The following SPOCK3 variants were observed in gnomAD, a reference collection of about 807,000 sequenced individuals.
The protein encoded by SPOCK3 is SPARC (osteonectin), cwcv and kazal like domains proteoglycan 3.
A neutral mutation model predicts 56.6 loss-of-function variants in SPOCK3; 30 were observed. The ratio of observed to expected loss-of-function variants is 0.53; its 90% CI spans 0.40 to 0.72. The LOEUF (loss-of-function observed/expected upper bound fraction) is 0.72, where lower values mean the gene tolerates loss of function less well. Ranked by LOEUF, SPOCK3 falls within the 30% of genes least tolerant of loss-of-function variation. The pLI is 0.00. For missense variants in SPOCK3, 527 were observed against 530.0 expected, an observed-to-expected ratio of 0.99 and a Z score of 0.06; for synonymous variants, 196 against 183.3, an observed-to-expected ratio of 1.07 and a Z score of -0.56.
At chr4:166,801,944 GA>G (rs1181675348) in intron 6 of SPOCK3, among the ~76,000 whole-genome samples, 6 of 152,094 alleles carry the variant, frequency 3.9e-5, no homozygotes, top group African/African-American at 1.4e-4. Context: ...AGAGATTCCT[GA>G]ATTCCTCCCA....
At chr4:167,222,157 C>A (rs1735984343) in intron 2 of SPOCK3, among the ~76,000 whole-genome samples, 2 of 152,002 alleles carry the variant, frequency 1.3e-5, no homozygotes, top group African/African-American at 4.8e-5. Context: ...CATGCCACAA[C>A]ATGGATGAAA....
intron 2 of SPOCK3, among the ~76,000 whole-genome samples, chr4:167,206,348 G>T (rs1010710456): frequency 2.6e-5 from 4 of 151,876 alleles, no homozygotes; most frequent in African/African-American, 9.7e-5. Flanking sequence ...AAATAAGTAT[G>T]TTTATGTATG....
chr4:166,898,205 G>GA (rs199992979), intron 5 of SPOCK3, among the ~76,000 whole-genome samples: 27 of 150,898 alleles, frequency 1.8e-4, no homozygotes, highest in South Asian at 4.2e-4. Flanking sequence ...CCCTAAAAAA[G>GA]AAAAAAAAAT....
At chr4:167,033,601 A>G (rs1752475116) in intron 3 of SPOCK3, among the ~76,000 whole-genome samples, 1 of 151,966 alleles carries the variant, frequency 6.6e-6, no homozygotes. Flanking sequence ...CATGGCATGC[A>G]GGCCTTCACA....
chr4:167,081,680 C>T (rs1342928850), intron 2 of SPOCK3, among the ~76,000 whole-genome samples: 1 of 151,938 alleles, frequency 6.6e-6, no homozygotes, highest in African/African-American at 2.4e-5. Context: ...GTAGCAACAT[C>T]AGCAGGTGGA....
At chr4:166,761,902 A>T (rs1266361821) in intron 7 of SPOCK3, among the ~76,000 whole-genome samples, 1 of 6,546 alleles carries the variant, frequency 1.5e-4, no homozygotes, top group Non-Finnish European at 4.5e-4. Context: ...TAATAAAAAA[A>T]AAAAAAAAAA....
intron 2 of SPOCK3, among the ~76,000 whole-genome samples, chr4:167,212,917 T>C (rs1735019570): frequency 1.3e-5 from 2 of 152,202 alleles, no homozygotes; most frequent in African/African-American, 4.8e-5. Flanking sequence ...TCAAGCTACA[T>C]GACAAAATAC....
chr4:167,061,628 G>A (rs1755616768), intron 3 of SPOCK3, among the ~76,000 whole-genome samples: 1 of 151,782 alleles, frequency 6.6e-6, no homozygotes, highest in Non-Finnish European at 1.5e-5. Context: ...AATACTCTGA[G>A]CTCCTTTAAA....
intron 5 of SPOCK3, among the ~76,000 whole-genome samples, chr4:166,909,494 A>G (rs1244865440): frequency 6.6e-6 from 1 of 152,090 alleles, no homozygotes; most frequent in Non-Finnish European, 1.5e-5. Flanking sequence ...GGTCTAAAAT[A>G]GAACTTGTAG....
intron 2 of SPOCK3, among the ~76,000 whole-genome samples, chr4:167,104,466 T>A (rs1053991302): frequency 1.3e-5 from 2 of 152,080 alleles, no homozygotes; most frequent in Non-Finnish European, 2.9e-5. Flanking sequence ...TCAGAGTCTC[T>A]CAGTAACAGA....
At chr4:166,803,081 T>G (rs1742789833) in intron 6 of SPOCK3, among the ~76,000 whole-genome samples, 1 of 152,056 alleles carries the variant, frequency 6.6e-6, no homozygotes, top group African/African-American at 2.4e-5. Flanking sequence ...TGCACATATA[T>G]CTTCAAAAAT....
At chr4:166,987,442 C>A (rs547214531) in intron 4 of SPOCK3, among the ~76,000 whole-genome samples, 1 of 152,106 alleles carries the variant, frequency 6.6e-6, no homozygotes, top group African/African-American at 2.4e-5. Flanking sequence ...AATTATATTG[C>A]GTATTGTTTG....
chr4:166,869,732 A>T (rs1732259604), intron 6 of SPOCK3, among the ~76,000 whole-genome samples: 1 of 151,972 alleles, frequency 6.6e-6, no homozygotes, highest in Non-Finnish European at 1.5e-5. Context: ...AAGAAACTGG[A>T]AAACACTGAC....
At chr4:167,089,614 A>T (rs1281123346) in intron 2 of SPOCK3, among the ~76,000 whole-genome samples, 1 of 152,154 alleles carries the variant, frequency 6.6e-6, no homozygotes, top group Admixed American at 6.6e-5. Context: ...AAAAAATGAT[A>T]TATGTTTTAA....
At chr4:166,989,967 G>GA (rs1042402605) in intron 4 of SPOCK3, among the ~76,000 whole-genome samples, 9 of 152,128 alleles carry the variant, frequency 5.9e-5, no homozygotes, top group African/African-American at 2.2e-4. Context: ...AGTAGAAAGG[G>GA]AAGGGGGAAG....
chr4:166,860,406 T>C (rs564614679), intron 6 of SPOCK3, among the ~76,000 whole-genome samples: 67 of 152,064 alleles, frequency 4.4e-4, no homozygotes, highest in African/African-American at 1.5e-3. Context: ...TGAGAAAACA[T>C]GAGGGACACA....
At chr4:167,028,442 TATA>T (rs1259217816) in intron 3 of SPOCK3, among the ~76,000 whole-genome samples, 1 of 151,766 alleles carries the variant, frequency 6.6e-6, no homozygotes, top group African/African-American at 2.4e-5. Context: ...TGAAATGAAA[TATA>T]ATAATAATTT....
chr4:167,178,803 G>T (rs894075571), intron 2 of SPOCK3, among the ~76,000 whole-genome samples: 1 of 151,942 alleles, frequency 6.6e-6, no homozygotes, highest in Non-Finnish European at 1.5e-5. Flanking sequence ...AAAAGATGAT[G>T]TAAATACAAA....
intron 2 of SPOCK3, among the ~76,000 whole-genome samples, chr4:167,095,790 C>T (rs964829151): frequency 5.9e-5 from 9 of 151,506 alleles, no homozygotes; most frequent in African/African-American, 1.9e-4. Context: ...TATATGTGCA[C>T]TTATGTGTAT....
Sources: allele counts gnomAD v4.1 joint callset (sites outside exome capture counted in the v4.1 genomes callset), GRCh38; gene constraint gnomAD v4.1.1; transcripts MANE v1.5; gene names NCBI Gene and HGNC (gene_info 2026-07-23, HGNC 2026-07-21).